CSMD1: variants seen among roughly 807,000 people sequenced by gnomAD.
CSMD1 encodes CUB and Sushi multiple domains 1.
In CSMD1, 213 loss-of-function variants were observed where a neutral mutation model predicts 417.5. The observed-to-expected ratio is 0.51, with a 90% CI of 0.46 to 0.57. CSMD1 has a LOEUF of 0.57. Ranked by LOEUF, CSMD1 falls within the 20% of genes least tolerant of loss-of-function variation. The pLI is 0.00. For synonymous variants in CSMD1, 2,862 were observed against 1,736.8 expected (o/e 1.65, Z -16.11); for missense variants, 6,923 against 4,529.7 (o/e 1.53, Z -15.17).
intron 5 of CSMD1, among the ~76,000 whole-genome samples, chr8:3,988,846 T>C (rs900546245): frequency 2.6e-5 from 4 of 152,220 alleles, no homozygotes; most frequent in Admixed American, 2.0e-4. Context: ...TTTTTTCCTT[T>C]AAAGTGATAT....
chr8:2,984,062 C>G (rs911410905), intron 54 of CSMD1, among the ~76,000 whole-genome samples: 1 of 152,088 alleles, frequency 6.6e-6, no homozygotes, highest in Admixed American at 6.5e-5. Context: ...AAAAATAAAA[C>G]CAACTTAGTG....
chr8:4,658,831 A>T lies in CSMD1; in HGVS notation c.86-21273T>A, dbSNP rs143392121. 4.6e-3 allele frequency among the ~76,000 whole-genome samples: 696 copies of T among 152,292 alleles called. 11 individuals carry two copies. The highest frequency in any genetic ancestry group is 0.016 in the African/African-American group (670 of 41,568). The stretch of plus-strand genomic sequence containing the variant: ...ATGGTAACACAATTTATGAGGATAT[A>T]ATATGTTCCTATGTGAACATGGTCT... On this transcript the variant is annotated intron_variant, in intron 1 of 69. Coordinates refer to ENST00000635120, the MANE Select transcript of CSMD1 (RefSeq NM_033225.6).
At chr8:4,433,896 C>G (rs1465009934) in intron 2 of CSMD1, among the ~76,000 whole-genome samples, 1 of 152,040 alleles carries the variant, frequency 6.6e-6, no homozygotes, top group Non-Finnish European at 1.5e-5. Flanking sequence ...GACAATCCTA[C>G]AAAAGTCAGG....
At chr8:3,614,310 C>A (rs76960020) in intron 8 of CSMD1, among the ~76,000 whole-genome samples, 1 of 152,008 alleles carries the variant, frequency 6.6e-6, no homozygotes, top group African/African-American at 2.4e-5. Flanking sequence ...CTTTCCCTGA[C>A]GGGCTATACG....
At chr8:3,329,620 G>C (rs1270109685) in intron 23 of CSMD1, among the ~76,000 whole-genome samples, 1 of 152,230 alleles carries the variant, frequency 6.6e-6, no homozygotes, top group Non-Finnish European at 1.5e-5. Context: ...TTCACAGGTT[G>C]GAGCTCAGGC....
intron 4 of CSMD1, among the ~76,000 whole-genome samples, chr8:4,026,191 T>A (rs1563333449): frequency 1.3e-5 from 2 of 152,210 alleles, no homozygotes; most frequent in African/African-American, 4.8e-5. Context: ...TCATTTTTTC[T>A]TTATAATCTA....
At chr8:3,713,900 T>G (rs1299068667) in intron 6 of CSMD1, among the ~76,000 whole-genome samples, 1 of 152,086 alleles carries the variant, frequency 6.6e-6, no homozygotes, top group Non-Finnish European at 1.5e-5. Context: ...TTACTGTAAT[T>G]TTATCAATGC....
chr8:3,623,378 T>C (rs1796349913), intron 7 of CSMD1, among the ~76,000 whole-genome samples: 1 of 152,114 alleles, frequency 6.6e-6, no homozygotes, highest in Non-Finnish European at 1.5e-5. Context: ...ACTATAGAAG[T>C]AGATCAGGTG....
chr8:4,972,334 G>C (rs545417356), intron 1 of CSMD1, among the ~76,000 whole-genome samples: 5 of 152,234 alleles, frequency 3.3e-5, no homozygotes, highest in Admixed American at 6.5e-5. Context: ...ATCCCCAAGT[G>C]TCAAGGGGGA....
At chr8:4,981,562 A>T (rs1057108990) in intron 1 of CSMD1, among the ~76,000 whole-genome samples, 1 of 152,154 alleles carries the variant, frequency 6.6e-6, no homozygotes, top group Non-Finnish European at 1.5e-5. Context: ...CTTTTCCTAC[A>T]TTTATTATTT....
At chr8:4,869,238 G>T (rs1220368835) in intron 1 of CSMD1, among the ~76,000 whole-genome samples, 1 of 151,920 alleles carries the variant, frequency 6.6e-6, no homozygotes, top group Non-Finnish European at 1.5e-5. Context: ...AAGCATCTGT[G>T]TGGCTATGAA....
intron 3 of CSMD1, among the ~76,000 whole-genome samples, chr8:4,132,569 G>A (rs906884743): frequency 6.6e-6 from 1 of 152,118 alleles, no homozygotes; most frequent in African/African-American, 2.4e-5. Flanking sequence ...GGCCCTTTGT[G>A]CTATAGCATA....
At chr8:3,946,066 G>C (rs185601094) in intron 5 of CSMD1, among the ~76,000 whole-genome samples, 336 of 152,184 alleles carry the variant, frequency 2.2e-3, no homozygotes, top group Non-Finnish European at 3.0e-3. Context: ...CAATACTAAC[G>C]TAAAGTGTAA....
At chr8:3,966,791 G>T (rs1328700484) in intron 5 of CSMD1, among the ~76,000 whole-genome samples, 2 of 151,764 alleles carry the variant, frequency 1.3e-5, no homozygotes, top group Non-Finnish European at 2.9e-5. Context: ...ATAGGTCTTA[G>T]ATTAAATCCC....
chr8:4,395,044 T>C (rs1226411603), intron 3 of CSMD1, among the ~76,000 whole-genome samples: 1 of 152,134 alleles, frequency 6.6e-6, no homozygotes, highest in Non-Finnish European at 1.5e-5. Context: ...CCCATATCCC[T>C]TTCCCGTGCT....
chr8:4,806,607 C>A (rs749758397), intron 1 of CSMD1, among the ~76,000 whole-genome samples: 1 of 152,202 alleles, frequency 6.6e-6, no homozygotes, highest in Non-Finnish European at 1.5e-5. Context: ...AATTAACTTT[C>A]TCTTCTCATC....
chr8:3,562,395 C>G (rs1396421265), intron 10 of CSMD1, among the ~76,000 whole-genome samples: 10 of 149,922 alleles, frequency 6.7e-5, no homozygotes, highest in African/African-American at 2.5e-4. Context: ...CACGTACACA[C>G]ATGCATACAC....
chr8:4,440,551 A>G (rs915590748), intron 2 of CSMD1, among the ~76,000 whole-genome samples: 3 of 152,164 alleles, frequency 2.0e-5, no homozygotes, highest in African/African-American at 7.2e-5. Flanking sequence ...GCTGACATGC[A>G]TATCTATATG....
chr8:4,803,065 G>T (rs925104663), intron 1 of CSMD1, among the ~76,000 whole-genome samples: 3 of 152,094 alleles, frequency 2.0e-5, no homozygotes, highest in Non-Finnish European at 4.4e-5. Flanking sequence ...AACAGATCTT[G>T]ATATTGTGTT....
Sources: gnomAD v4.1 joint callset for allele counts (sites outside exome capture counted in the v4.1 genomes callset) on GRCh38, gnomAD v4.1.1 for gene constraint, MANE v1.5 for transcripts, NCBI Gene and HGNC (gene_info 2026-07-23, HGNC 2026-07-21) for gene names.